Variants in TGM5 observed in about 807,000 individuals in gnomAD.
TGM5 encodes protein-glutamine gamma-glutamyltransferase 5.
TGM5 carries 69 observed loss-of-function variants against 77.2 expected under a neutral mutation model. The observed-to-expected ratio is 0.89, with a 90% CI of 0.74 to 1.09. The LOEUF is 1.09. Among genes scored for constraint, TGM5 ranks in the 50% least tolerant of loss-of-function variants. The pLI is 0.00. For missense variants in TGM5, 842 were observed against 896.5 expected (o/e 0.94, Z 0.78); for synonymous variants, 346 against 351.8 (o/e 0.98, Z 0.18).
At chr15:43,233,735 C>T in intron 11 of TGM5, 48 bp from the exon 12 acceptor site, 4 of 1,608,972 alleles carry the variant, frequency 2.5e-6, no homozygotes, top group Non-Finnish European at 3.4e-6. Context: ...TTCCCCAACT[C>T]ACCAGATATT....
At chr15:43,238,213 C>T (rs889252429) in intron 9 of TGM5, among the ~76,000 whole-genome samples, 3 of 152,218 alleles carry the variant, frequency 2.0e-5, no homozygotes, top group East Asian at 1.9e-4. Flanking sequence ...TGGCCCTCAC[C>T]CTGCCTCTGG....
chr15:43,251,199 C>T (rs963275735), intron 6 of TGM5, among the ~76,000 whole-genome samples: 1 of 152,140 alleles, frequency 6.6e-6, no homozygotes, highest in Non-Finnish European at 1.5e-5. Flanking sequence ...TTCCTTGTTT[C>T]TTATACCTGG....
At chr15:43,239,080 G>A (rs562176680) in intron 8 of TGM5, 24 bp from the exon 9 acceptor site, 18 of 1,614,000 alleles carry the variant, frequency 1.1e-5, no homozygotes, top group Admixed American at 8.3e-5. Flanking sequence ...GGGGAGCCTC[G>A]GTGGGCTGTT....
At chr15:43,266,544 GAGA>G (rs1311101756) in intron 1 of TGM5, among the ~76,000 whole-genome samples, 2 of 152,206 alleles carry the variant, frequency 1.3e-5, no homozygotes, top group African/African-American at 4.8e-5. Flanking sequence ...GCTAGTAGCA[GAGA>G]AGGACAGAAA....
At chr15:43,261,310 G>C (rs1274710754) in intron 1 of TGM5, among the ~76,000 whole-genome samples, 1 of 151,866 alleles carries the variant, frequency 6.6e-6, no homozygotes, top group Non-Finnish European at 1.5e-5. Flanking sequence ...AGAATGGTCT[G>C]GATCTCCTGA....
At chr15:43,233,379 A>G in intron 12 of TGM5, 35 bp from the exon 13 acceptor site, 1 of 1,612,312 alleles carries the variant, frequency 6.2e-7, no homozygotes, top group Non-Finnish European at 8.5e-7. Context: ...AGAAAACCAA[A>G]AGCATGATAA....
intron 6 of TGM5, among the ~76,000 whole-genome samples, chr15:43,248,393 C>T (rs958259619): frequency 4.6e-5 from 7 of 152,106 alleles, no homozygotes; most frequent in Non-Finnish European, 8.8e-5. Context: ...AAGTTGGTCT[C>T]GATCTCCTGA....
At chr15:43,248,952 G>A (rs1251888170) in intron 6 of TGM5, among the ~76,000 whole-genome samples, 1 of 152,184 alleles carries the variant, frequency 6.6e-6, no homozygotes, top group African/African-American at 2.4e-5. Context: ...AATCATAAGT[G>A]AGGATTTGAT....
At chr15:43,262,471 A>G (rs889062838) in intron 1 of TGM5, among the ~76,000 whole-genome samples, 17 of 152,226 alleles carry the variant, frequency 1.1e-4, no homozygotes, top group African/African-American at 4.1e-4. Flanking sequence ...CATGATAAAA[A>G]TATTCAACAA....
Position 43,260,436 on chromosome 15 carries a change from G to T in TGM5, c.154C>A (p.Pro52Thr). ...ACGAAGATGATGTTGTCCAGGCCTG[G>T]CTGGAAGCTCCGGTTCCTGAAGTAC... is the stretch of plus-strand genomic sequence containing the variant. ...TLYFRNRSFQPGLDNIIFVVE... is the reference protein window; with the variant it reads ...TLYFRNRSFQTGLDNIIFVVE... Residue 52 changes from proline to threonine, a missense_variant, in exon 2 of 13, where the codon CCA becomes ACA. Physicochemically the swap from Pro to Thr is conservative, Grantham distance 38. Transcript: ENST00000220420. The T allele has an allele frequency of 2.5e-6, 4 of 1,614,200 alleles. No homozygotes were observed. Among genetic ancestry groups the T allele is most frequent in the Non-Finnish European group, 3.4e-6 (4 of 1,180,036 alleles).
rs1344126223 is a variant in TGM5, at chr15:43,238,981, A to G, written c.1181T>C (p.Phe394Ser). 1.7e-5 allele frequency: 28 copies of G among 1,614,060 alleles called. No homozygotes were observed. Among genetic ancestry groups the G allele is most frequent in the Non-Finnish European group, 2.2e-5 (26 of 1,180,046 alleles). The change falls in exon 9 of 13, where the codon TTT (phenylalanine) becomes TCT (serine). Residue 394 changes from phenylalanine to serine, a missense_variant. Transcript: ENST00000220420. ...GEVDLNYDTP[F>S]VFSMVNADCM... is the part of the protein sequence containing the mutation. The stretch of plus-strand genomic sequence containing the variant: ...GTCAGCATTCACCATCGAAAACACA[A>G]AGGGCGTGTCATAGTTCAGGTCCAC...
In TGM5 at chr15:43,256,594, G is replaced by A. The variant is rs199661290; in HGVS notation, c.529C>T (p.Arg177Cys). 2.2e-5 allele frequency: 35 copies of A among 1,613,926 alleles called. No individual in the cohort carries two copies. The highest frequency in any genetic ancestry group is 4.0e-5 in the African/African-American group (3 of 74,876). The change falls in exon 4 of 13, where the codon CGC becomes TGC. Residue 177 changes from arginine to cysteine, a missense_variant. Physicochemically the swap from Arg to Cys is radical, Grantham distance 180. Transcript: ENST00000220420. Reference protein sequence around the residue: ...FIYQGSKNWIRPCPWNYGQFE... With the variant: ...FIYQGSKNWICPCPWNYGQFE... ...TGTCCATAGTTCCAGGGACATGGGC[G>A]GATCCAGTTCTTGCTGCCTTGGTAG...
At chr15:43,242,411 CT>C (rs921559692) in intron 6 of TGM5, among the ~76,000 whole-genome samples, 2 of 151,156 alleles carry the variant, frequency 1.3e-5, no homozygotes, top group African/African-American at 4.9e-5. Context: ...AATTTTCCCC[CT>C]GTTGTAAATA....
intron 1 of TGM5, among the ~76,000 whole-genome samples, chr15:43,265,170 G>A (rs1195188840): frequency 2.0e-5 from 3 of 152,158 alleles, no homozygotes; most frequent in South Asian, 2.1e-4. Flanking sequence ...ACTTGGAGAT[G>A]AGAAAATCAA....
rs1419619798 is a variant in TGM5 at position 43,260,308 on chromosome 15, A to G, written c.191-11T>C. ...GGTCTGGCAGCGGTCCTAGGAGGGA[A>G]GTAGAGCTGAGGCCCTCCATGGCGA... On this transcript the variant is annotated splice_polypyrimidine_tract_variant and intron_variant, in intron 2 of 12. Coordinates refer to ENST00000220420, the MANE Select transcript of TGM5 (RefSeq NM_201631.4). The G allele has an allele frequency of 2.5e-6, 4 of 1,614,026 alleles. No individual in the cohort carries two copies. In the Admixed American group the frequency reaches 6.7e-5, roughly 27 times the overall value.
chr15:43,264,589 T>A (rs2142387926), intron 1 of TGM5, among the ~76,000 whole-genome samples: 1 of 152,264 alleles, frequency 6.6e-6, no homozygotes, highest in African/African-American at 2.4e-5. Flanking sequence ...AGAAAGTAGA[T>A]TTAGGGCTTG....
chr15:43,237,378 C>T (rs1197316249), intron 9 of TGM5, among the ~76,000 whole-genome samples: 1 of 152,216 alleles, frequency 6.6e-6, no homozygotes, highest in African/African-American at 2.4e-5. Flanking sequence ...TCATGACCAA[C>T]AGGAGTTGAT....
intron 5 of TGM5, 112 bp from the exon 6 acceptor site, chr15:43,253,048 C>T: frequency 8.4e-7 from 1 of 1,195,508 alleles, no homozygotes; most frequent in Non-Finnish European, 1.2e-6. Context: ...AGACTTTTGA[C>T]AGCATTTTAC....
chr15:43,245,593 C>G (rs2042664268), intron 6 of TGM5, among the ~76,000 whole-genome samples: 1 of 152,096 alleles, frequency 6.6e-6, no homozygotes, highest in African/African-American at 2.4e-5. Flanking sequence ...CTAGCCTGCA[C>G]TAAGACAGGG....
Sources: allele counts gnomAD v4.1 joint callset (sites outside exome capture counted in the v4.1 genomes callset), GRCh38; gene constraint gnomAD v4.1.1; transcripts MANE v1.5; gene names NCBI Gene and HGNC (gene_info 2026-07-23, HGNC 2026-07-21).